The following XKR6 variants were observed in gnomAD, a reference collection of about 807,000 sequenced individuals.
XKR6 encodes the protein XK related 6.
XKR6 carries 22 observed loss-of-function variants against 56.7 expected under a neutral mutation model. The ratio of observed to expected loss-of-function variants is 0.39; its 90% CI spans 0.28 to 0.55. The LOEUF is 0.55. Among genes scored for constraint, XKR6 ranks in the 20% least tolerant of loss-of-function variants. The pLI is 0.66. For missense variants in XKR6, 852 were observed against 889.0 expected, an observed-to-expected ratio of 0.96 and a Z score of 0.53; for synonymous variants, 524 against 387.8, an observed-to-expected ratio of 1.35 and a Z score of -4.13.
At chr8:11,023,366 C>T (rs1278536044) in intron 1 of XKR6, among the ~76,000 whole-genome samples, 4 of 152,240 alleles carry the variant, frequency 2.6e-5, no homozygotes, top group Non-Finnish European at 5.9e-5. Context: ...ATGATCACAG[C>T]AAGAAATCCT....
At chr8:11,049,854 C>A (rs534768242) in intron 1 of XKR6, among the ~76,000 whole-genome samples, 1 of 152,200 alleles carries the variant, frequency 6.6e-6, no homozygotes, top group African/African-American at 2.4e-5. Context: ...GGGCAAACAG[C>A]GCATACACAC....
At chr8:11,092,736 G>A (rs1798118069) in intron 1 of XKR6, among the ~76,000 whole-genome samples, 1 of 152,166 alleles carries the variant, frequency 6.6e-6, no homozygotes, top group Non-Finnish European at 1.5e-5. Context: ...AGGAATCTTG[G>A]CCAGAAAAGA....
intron 1 of XKR6, among the ~76,000 whole-genome samples, chr8:11,130,534 G>A (rs553620264): frequency 5.3e-5 from 8 of 151,852 alleles, no homozygotes; most frequent in South Asian, 2.1e-4. Flanking sequence ...CCCAAGTGCC[G>A]TAGTCTCTGT....
At chr8:10,996,944 G>A (rs747523582) in intron 1 of XKR6, among the ~76,000 whole-genome samples, 16 of 152,044 alleles carry the variant, frequency 1.1e-4, no homozygotes, top group Non-Finnish European at 2.4e-4. Context: ...ACTCCAGCCT[G>A]GGCAATAGAG....
At chr8:11,042,538 G>A (rs527944749) in intron 1 of XKR6, among the ~76,000 whole-genome samples, 8 of 152,296 alleles carry the variant, frequency 5.3e-5, no homozygotes, top group African/African-American at 1.9e-4. Context: ...TGCCATGATT[G>A]TGAAGCCTCC....
intron 1 of XKR6, among the ~76,000 whole-genome samples, chr8:11,072,010 A>T (rs1020003235): frequency 1.3e-5 from 2 of 151,766 alleles, no homozygotes; most frequent in Non-Finnish European, 2.9e-5. Context: ...GAAAACACCC[A>T]ATTTTTTTTA....
chr8:11,097,885 A>T (rs1230688345), intron 1 of XKR6, among the ~76,000 whole-genome samples: 4 of 149,134 alleles, frequency 2.7e-5, no homozygotes, highest in Non-Finnish European at 4.5e-5. Context: ...TTTTTTTTTT[A>T]AAGCTATTTG....
At chr8:10,986,922 T>C (rs1053980246) in intron 1 of XKR6, among the ~76,000 whole-genome samples, 1 of 151,324 alleles carries the variant, frequency 6.6e-6, no homozygotes, top group African/African-American at 2.4e-5. Flanking sequence ...AGGTGTGCAC[T>C]ACCATGCCTG....
chr8:11,197,605 T>C lies in XKR6; in HGVS notation c.764+2971A>G, dbSNP rs550051660. On this transcript the variant is annotated intron_variant, in intron 1 of 2. Transcript: ENST00000416569. ...AAGCTGTACAGACGCTGTTACATGT[T>C]TAGTAATTAGTGGGAGTAAGGCATG... Among the ~76,000 whole-genome samples the C allele has an allele frequency of 3.6e-4, 55 of 152,318 alleles. 1 individual carries two copies. The Middle Eastern group carries it at 0.01, about 28-fold the overall frequency.
At chr8:11,087,098 G>C (rs1046695782) in intron 1 of XKR6, among the ~76,000 whole-genome samples, 1 of 152,152 alleles carries the variant, frequency 6.6e-6, no homozygotes, top group African/African-American at 2.4e-5. Context: ...ACTCTACTCT[G>C]TTTCTGGCTC....
intron 1 of XKR6, among the ~76,000 whole-genome samples, chr8:10,943,726 G>A (rs1474042845): frequency 1.3e-5 from 1 of 77,358 alleles, no homozygotes; most frequent in Non-Finnish European, 4.1e-5. Context: ...AAGAGGTTGT[G>A]GATGCCAGGG....
intron 1 of XKR6, among the ~76,000 whole-genome samples, chr8:10,971,433 A>ATTAAT (rs768644281): frequency 9.9e-5 from 15 of 152,206 alleles, no homozygotes; most frequent in South Asian, 2.1e-4. Flanking sequence ...AAAGTAATTA[A>ATTAAT]TTAATTTAAT....
At chr8:11,130,014 A>G (rs1327014642) in intron 1 of XKR6, among the ~76,000 whole-genome samples, 1 of 152,170 alleles carries the variant, frequency 6.6e-6, no homozygotes, top group Non-Finnish European at 1.5e-5. Context: ...TCTTACAGAG[A>G]AGATCTGACA....
intron 1 of XKR6, among the ~76,000 whole-genome samples, chr8:10,966,596 C>T (rs1398506497): frequency 1.3e-5 from 2 of 152,164 alleles, no homozygotes; most frequent in African/African-American, 4.8e-5. Context: ...ATGGCGTGAA[C>T]CCAGGAGGCG....
At chr8:10,992,428 T>A (rs1175769281) in intron 1 of XKR6, among the ~76,000 whole-genome samples, 3 of 152,104 alleles carry the variant, frequency 2.0e-5, no homozygotes, top group Admixed American at 6.5e-5. Flanking sequence ...CCTAATTCCC[T>A]CTCCGTGTGG....
At chr8:11,014,617 G>C (rs1257830302) in intron 1 of XKR6, among the ~76,000 whole-genome samples, 1 of 152,152 alleles carries the variant, frequency 6.6e-6, no homozygotes, top group African/African-American at 2.4e-5. Flanking sequence ...TGGGGGAAAG[G>C]AAAGGCAATT....
chr8:11,138,493 A>C, intron 1 of XKR6: 1 of 152,238 alleles, frequency 6.6e-6, no homozygotes, highest in Non-Finnish European at 1.5e-5. Flanking sequence ...ATTGGCTCTC[A>C]GATGGTTTGG....
intron 1 of XKR6, among the ~76,000 whole-genome samples, chr8:11,165,374 G>C (rs745352680): frequency 6.6e-6 from 1 of 151,964 alleles, no homozygotes; most frequent in Non-Finnish European, 1.5e-5. Flanking sequence ...CTAGGATTAC[G>C]GGCATGAGCC....
intron 2 of XKR6, among the ~76,000 whole-genome samples, chr8:10,913,673 G>A (rs922960054): frequency 1.3e-5 from 2 of 152,208 alleles, no homozygotes; most frequent in Admixed American, 6.5e-5. Flanking sequence ...CTCAGCCGTC[G>A]ATGCAGATGC....
Sources: gnomAD v4.1 joint callset for allele counts (sites outside exome capture counted in the v4.1 genomes callset) on GRCh38, gnomAD v4.1.1 for gene constraint, MANE v1.5 for transcripts, NCBI Gene and HGNC (gene_info 2026-07-23, HGNC 2026-07-21) for gene names.